Variants in SOX17 observed in about 807,000 individuals in gnomAD.
SOX17 encodes SRY-box transcription factor 17, also known as transcription factor SOX-17.
SOX17 carries 4 observed loss-of-function variants against 16.0 expected under a neutral mutation model. The observed-to-expected ratio is 0.25, with a 90% confidence interval of 0.12 to 0.57. SOX17 has a LOEUF of 0.57. Ranked by LOEUF, SOX17 falls within the 20% of genes least tolerant of loss-of-function variation. SOX17 has a pLI of 0.92. For missense variants in SOX17, 633 were observed against 609.7 expected (o/e 1.04, Z -0.40); for synonymous variants, 357 against 284.6 (o/e 1.25, Z -2.56).
In SOX17 at chr8:54,458,047, C is replaced by T. The variant is rs1804663294; in HGVS notation, c.-92C>T. On this transcript the variant is annotated 5_prime_UTR_variant, in exon 1 of 2. Transcript: ENST00000297316. ...GAGACCCGCGCAGCCCTCGGGGCAT[C>T]TCAGTGCCTCACTCCCCACCCCCTC... 1 of 1,378,180 alleles carries T rather than the reference C, an allele frequency of 7.3e-7. No homozygotes were observed. The allele number at this position is 1,378,180 out of a possible 1,614,324, so 85.4% of individuals were successfully genotyped here. A position where few individuals can be genotyped will look rare whatever the true frequency, so the allele number is the denominator to read the frequency against.
rs1286718293 is a variant in SOX17 at position 54,459,588 on chromosome 8, G to C, written c.838G>C (p.Gly280Arg). ...MHPRLGPEPA[G>R]PSIPGLLAPP... ...CCCCCGACTCGGCCCAGAGCCCGCGGGTCCCTCGATTCCGGGCCTCCTGGC... is the reference window on the plus strand; with the variant it reads ...CCCCCGACTCGGCCCAGAGCCCGCGCGTCCCTCGATTCCGGGCCTCCTGGC... Residue 280 changes from glycine (G) to arginine (R), a missense_variant, in exon 2 of 2, where the codon GGT becomes CGT. This residue lies in a region of SOX17 where 479 missense variants were observed against 397.2 expected (regional missense o/e 1.21). Transcript: ENST00000297316. 1.3e-6 allele frequency: 2 copies of C among 1,540,036 alleles called. No homozygotes were observed. Among genetic ancestry groups the C allele is most frequent in the East Asian group, 2.4e-5 (1 of 41,068 alleles).
chr8:54,458,708 C>T (rs759785152), intron 1 of SOX17, among the ~76,000 whole-genome samples: 19 of 152,354 alleles, frequency 1.2e-4, no homozygotes, highest in Middle Eastern at 3.4e-3. Flanking sequence ...AGGCGACTTC[C>T]CGGCACCTCC....
rs200274127 is a variant in SOX17, at chr8:54,459,468, C to G, written c.718C>G (p.Pro240Ala). 4 of 1,522,810 alleles carry G rather than the reference C, an allele frequency of 2.6e-6. No homozygotes were observed. The highest frequency in any genetic ancestry group is 1.7e-4 in the Middle Eastern group (1 of 5,738). 94.3% of individuals were successfully genotyped at this position (1,522,810 alleles called of 1,614,324 possible). ...VDPDPAFFAA[P>A]MPGDCPAAGT... is the part of the protein sequence containing the mutation. ...CCCCGACCCGGCTTTCTTCGCCGCC[C>G]CGATGCCCGGGGACTGCCCGGCGGC... The change falls in exon 2 of 2, where the codon CCG (proline) becomes GCG (alanine). Residue 240 changes from proline to alanine, a missense_variant. This residue lies in a region of SOX17 where 479 missense variants were observed against 397.2 expected (regional missense o/e 1.21). Coordinates refer to ENST00000297316, the MANE Select transcript of SOX17 (RefSeq NM_022454.4).
At position 54,458,221 on chromosome 8, in the gene SOX17, G is replaced by T. The variant is rs199550282; in HGVS notation, c.83G>T (p.Gly28Val). 231 of 1,593,874 alleles carry T rather than the reference G, an allele frequency of 1.4e-4. No homozygotes were observed. The highest frequency in any genetic ancestry group is 1.4e-4 in the Non-Finnish European group (163 of 1,172,328). ...CTGCCCGCGGTGATGGCCGGGCTGG[G>T]CCCCTGCCCCTGGGCCGAGTCGCTG... ...SALPAVMAGLGPCPWAESLSP... is the reference protein window; with the variant it reads ...SALPAVMAGLVPCPWAESLSP... Residue 28 changes from glycine to valine, a missense_variant, in exon 1 of 2, where the codon GGC (glycine) becomes GTC (valine). Physicochemically the swap from Gly to Val is moderately radical, Grantham distance 109. Coordinates refer to ENST00000297316, the MANE Select transcript of SOX17 (RefSeq NM_022454.4).
rs756443236 is a variant in SOX17 at position 54,458,188 on chromosome 8, A to G, written c.50A>G (p.Gln17Arg). 6.3e-7 allele frequency: 1 copy of G among 1,590,038 alleles called. No homozygotes were observed. The highest frequency in any genetic ancestry group is 1.1e-5 in the South Asian group (1 of 88,614). Reference sequence around the variant, plus strand: ...GCCAGTGACGACCAGAGCCAGACCCAGAGCGCGCTGCCCGCGGTGATGGCC... The same window carrying G: ...GCCAGTGACGACCAGAGCCAGACCCGGAGCGCGCTGCCCGCGGTGATGGCC... ...GYASDDQSQTQSALPAVMAGL... is the reference protein window; with the variant it reads ...GYASDDQSQTRSALPAVMAGL... Residue 17 changes from glutamine to arginine, a missense_variant, in exon 1 of 2, where the codon CAG becomes CGG. Gln to Arg is a conservative substitution (Grantham distance 43, BLOSUM62 1). Transcript: ENST00000297316.
rs2129278395 is a variant in SOX17, at chr8:54,459,937, C to T, written c.1187C>T (p.Ser396Phe). 6.2e-7 allele frequency: 1 copy of T among 1,613,896 alleles called. No individual in the cohort carries two copies. Among genetic ancestry groups the T allele is most frequent in the Non-Finnish European group, 8.5e-7 (1 of 1,180,054 alleles). ...VNLPDSHGAI[S>F]SVVSDASSAV... ...CTCCCCGACAGCCACGGGGCCATTT[C>T]CTCGGTGGTGTCCGACGCCAGCTCC... Residue 396 changes from serine (S) to phenylalanine (F), a missense_variant, in exon 2 of 2, where the codon TCC becomes TTC. Physicochemically the swap from Ser to Phe is radical, Grantham distance 155 (BLOSUM62 -2). Around this residue, in one of 5 missense-constraint regions of SOX17, gnomAD observed 479 missense variants for 397.2 expected, o/e 1.21. Coordinates refer to ENST00000297316, the MANE Select transcript of SOX17 (RefSeq NM_022454.4).
At position 54,460,129 on chromosome 8, in the gene SOX17, A is replaced by C; in HGVS notation, c.*134A>C. 1 of 869,948 alleles carries C rather than the reference A, an allele frequency of 1.1e-6. No individual in the cohort carries two copies. The highest frequency in any genetic ancestry group is 1.8e-6 in the Non-Finnish European group (1 of 549,368). 53.9% of individuals were successfully genotyped at this position (869,948 alleles called of 1,614,324 possible). A position where few individuals can be genotyped will look rare whatever the true frequency, so the allele number is the denominator to read the frequency against. On this transcript the variant is annotated 3_prime_UTR_variant, in exon 2 of 2. Coordinates refer to ENST00000297316, the MANE Select transcript of SOX17 (RefSeq NM_022454.4). ...TTTTTAAAAGGTGTGTTGGCATATAATTTATGGTAATTTATTTTGTCTGCC... is the reference window on the plus strand; with the variant it reads ...TTTTTAAAAGGTGTGTTGGCATATACTTTATGGTAATTTATTTTGTCTGCC...
intron 1 of SOX17, among the ~76,000 whole-genome samples, chr8:54,458,727 C>A (rs938794607): frequency 6.6e-6 from 1 of 152,348 alleles, no homozygotes; most frequent in South Asian, 2.1e-4. Flanking sequence ...CCGGGCGGCG[C>A]GAGAGCACCC....
At position 54,460,431 on chromosome 8, in the gene SOX17, T is replaced by C; in HGVS notation, c.*436T>C. 1 of 283,256 alleles carries C rather than the reference T, an allele frequency of 3.5e-6. No individual in the cohort carries two copies. The highest frequency in any genetic ancestry group is 6.7e-6 in the Non-Finnish European group (1 of 148,656). 17.5% of individuals were successfully genotyped at this position (283,256 alleles called of 1,614,324 possible). A position where few individuals can be genotyped will look rare whatever the true frequency, so the allele number is the denominator to read the frequency against. ...TCTTATCAAAAACCAGTTCTTAAGA[T>C]CAATGTTAAGTTTATTAGTTAATGT... On this transcript the variant is annotated 3_prime_UTR_variant, in exon 2 of 2. Transcript: ENST00000297316.
At position 54,459,633 on chromosome 8, in the gene SOX17, G is replaced by C. The variant is rs753081636; in HGVS notation, c.883G>C (p.Val295Leu). Residue 295 changes from valine (V) to leucine (L), a missense_variant, in exon 2 of 2, where the codon GTG becomes CTG. Val to Leu is a conservative substitution (Grantham distance 32, BLOSUM62 1). Transcript: ENST00000297316. ...CCTGGCGCCACCCAGCGCCCTTCAC[G>C]TGTACTACGGCGCGATGGGCTCGCC... ...GLLAPPSALH[V>L]YYGAMGSPGA... The C allele has an allele frequency of 3.9e-6, 6 of 1,538,224 alleles. No homozygotes were observed. The Admixed American group carries it at 9.7e-5, about 25-fold the overall frequency.
chr8:54,458,506 T>C (rs1804674162), intron 1 of SOX17, 61 bp downstream of exon 1: 1 of 1,587,764 alleles, frequency 6.3e-7, no homozygotes, highest in South Asian at 1.1e-5. Context: ...TAGGCCGATT[T>C]CTTAAACCCC....
Position 54,460,081 on chromosome 8 carries a change from GT to G in SOX17, c.*91del, listed in dbSNP as rs1490449549. 14 of 1,402,234 alleles carry G rather than the reference GT, an allele frequency of 1.0e-5. No individual in the cohort carries two copies. Among genetic ancestry groups the G allele is most frequent in the Middle Eastern group, 3.5e-4 (2 of 5,690 alleles). 86.9% of individuals were successfully genotyped at this position (1,402,234 alleles called of 1,614,324 possible). On this transcript the variant is annotated 3_prime_UTR_variant, in exon 2 of 2. Transcript: ENST00000297316. ...GCTAAGGAAATCCTCAGACTCCTGGGTTTTTGTTGTTGCTGTTGTTGTTTTT... is the reference window on the plus strand; with the variant it reads ...GCTAAGGAAATCCTCAGACTCCTGGGTTTTGTTGTTGCTGTTGTTGTTTTT...
chr8:54,459,966 GTATATTACTGCAAC>G lies in SOX17; in HGVS notation c.1220_1233del (p.Tyr407SerfsTer2). 1.2e-6 allele frequency: 2 copies of G among 1,613,826 alleles called. No homozygotes were observed. Among genetic ancestry groups the G allele is most frequent in the Non-Finnish European group, 1.7e-6 (2 of 1,180,054 alleles). On this transcript the variant is annotated frameshift_variant, in exon 2 of 2. Transcript: ENST00000297316. LOFTEE classifies it high-confidence loss of function. ...GGTGGTGTCCGACGCCAGCTCCGCGGTATATTACTGCAACTATCCTGACGTGTGACAGGTCCCTG... is the reference window on the plus strand; with the variant it reads ...GGTGGTGTCCGACGCCAGCTCCGCGGTATCCTGACGTGTGACAGGTCCCTG...
chr8:54,459,348 G>C lies in SOX17; in HGVS notation c.598G>C (p.Gly200Arg), dbSNP rs750714789. ...AGPPLLPPHMGGHYRDCQSLG... is the reference protein window; with the variant it reads ...AGPPLLPPHMRGHYRDCQSLG... ...CCCGCCGCTGCTGCCTCCGCACATG[G>C]GCGGCCACTACCGCGACTGCCAGAG... Residue 200 changes from glycine (G) to arginine (R), a missense_variant, in exon 2 of 2, where the codon GGC becomes CGC. By Grantham distance (125) the Gly-to-Arg change is moderately radical. Transcript: ENST00000297316. 6.4e-7 allele frequency: 1 copy of C among 1,553,950 alleles called. No homozygotes were observed. The highest frequency in any genetic ancestry group is 8.6e-7 in the Non-Finnish European group (1 of 1,161,188).
Position 54,459,168 on chromosome 8 carries a change from C to A in SOX17, c.418C>A (p.Arg140=), listed in dbSNP as rs756381624. Residue 140 remains arginine, a synonymous_variant, in exon 2 of 2, where the codon CGG becomes AGG. Transcript: ENST00000297316. ...QDHPNYKYRP[R]RRKQVKRLKR... ...CCACCCCAACTACAAGTACCGGCCG[C>A]GGCGGCGCAAGCAGGTGAAGCGGCT... 9 of 1,604,902 alleles carry A rather than the reference C, an allele frequency of 5.6e-6. No individual in the cohort carries two copies. Among genetic ancestry groups the A allele is most frequent in the Non-Finnish European group, 7.6e-6 (9 of 1,176,732 alleles).
At chr8:54,458,481 G>A (rs1381053569) in intron 1 of SOX17, 36 bp downstream of exon 1, 11 of 1,610,748 alleles carry the variant, frequency 6.8e-6, no homozygotes, top group East Asian at 2.2e-5. Context: ...GGCCGGGCGC[G>A]CTGGCGCGAA....
chr8:54,459,295 A>C lies in SOX17; in HGVS notation c.545A>C (p.Gln182Pro), dbSNP rs1804693206. The change falls in exon 2 of 2, where the codon CAG becomes CCG. Residue 182 changes from glutamine (Q) to proline (P), a missense_variant. Gln to Pro is a moderately conservative substitution (Grantham distance 76, BLOSUM62 -1). Around this residue, in one of 5 missense-constraint regions of SOX17, gnomAD observed 479 missense variants for 397.2 expected, o/e 1.21. Transcript: ENST00000297316. ...GRVAMDGLGL[Q>P]FPEQGFPAGP... Reference sequence around the variant, plus strand: ...GTGGCCATGGACGGCCTGGGCCTCCAGTTCCCCGAGCAGGGCTTCCCCGCC... The same window carrying C: ...GTGGCCATGGACGGCCTGGGCCTCCCGTTCCCCGAGCAGGGCTTCCCCGCC... 6.6e-7 allele frequency: 1 copy of C among 1,514,428 alleles called. No homozygotes were observed. Among genetic ancestry groups the C allele is most frequent in the Non-Finnish European group, 8.8e-7 (1 of 1,137,568 alleles). 93.8% of individuals were successfully genotyped at this position (1,514,428 alleles called of 1,614,324 possible).
rs1804707249 is a variant in SOX17 at position 54,459,704 on chromosome 8, G to C, written c.954G>C (p.Gln318His). 6.5e-7 allele frequency: 1 copy of C among 1,542,988 alleles called. No homozygotes were observed. Among genetic ancestry groups the C allele is most frequent in the African/African-American group, 1.4e-5 (1 of 72,984 alleles). Residue 318 changes from glutamine (Q) to histidine (H), a missense_variant, in exon 2 of 2, where the codon CAG (glutamine) becomes CAC (histidine). By Grantham distance (24) the Gln-to-His change is conservative. Coordinates refer to ENST00000297316, the MANE Select transcript of SOX17 (RefSeq NM_022454.4). ...GCTTCCAGATGCAGCCGCAACACCA[G>C]CACCAGCACCAGCACCAGCACCACC... Reference protein sequence around the residue: ...GRGFQMQPQHQHQHQHQHHPP... With the variant: ...GRGFQMQPQHHHQHQHQHHPP...
In SOX17 at chr8:54,459,343, A is replaced by G; in HGVS notation, c.593A>G (p.His198Arg). ...GCCGGCCCGCCGCTGCTGCCTCCGC[A>G]CATGGGCGGCCACTACCGCGACTGC... is the stretch of plus-strand genomic sequence containing the variant. ...FPAGPPLLPP[H>R]MGGHYRDCQS... Residue 198 changes from histidine to arginine, a missense_variant, in exon 2 of 2, where the codon CAC becomes CGC. By Grantham distance (29) the His-to-Arg change is conservative. This residue lies in a region of SOX17 where 479 missense variants were observed against 397.2 expected (regional missense o/e 1.21). Coordinates refer to ENST00000297316, the MANE Select transcript of SOX17 (RefSeq NM_022454.4). 6.4e-7 allele frequency: 1 copy of G among 1,551,924 alleles called. No homozygotes were observed. The highest frequency in any genetic ancestry group is 1.2e-5 in the South Asian group (1 of 84,830).
Sources: gnomAD v4.1 joint callset for allele counts (sites outside exome capture counted in the v4.1 genomes callset) on GRCh38, gnomAD v4.1.1 for gene constraint, gnomAD v4.1.1 regional missense constraint, MANE v1.5 for transcripts, NCBI Gene and HGNC (gene_info 2026-07-23, HGNC 2026-07-21) for gene names.